Variants in ABCB9 observed in about 807,000 individuals in gnomAD.
The protein encoded by ABCB9 is ABC-type oligopeptide transporter ABCB9.
Under a neutral mutation model 62.0 loss-of-function variants are expected in ABCB9, and 36 were observed. That is an observed-to-expected ratio of 0.58 (90% CI 0.45 to 0.77). ABCB9 has a LOEUF of 0.77. Ranked by LOEUF, ABCB9 falls within the 30% of genes least tolerant of loss-of-function variation. ABCB9 has a pLI of 0.00. For missense variants in ABCB9, 943 were observed against 1,054.7 expected, an observed-to-expected ratio of 0.89 and a Z score of 1.47; for synonymous variants, 435 against 461.4, an observed-to-expected ratio of 0.94 and a Z score of 0.73.
intron 5 of ABCB9, chr12:122,946,429 G>A (rs2135839144): frequency 5.1e-6 from 3 of 593,748 alleles, no homozygotes; most frequent in East Asian, 2.8e-5. Context: ...ACTCCAGAGA[G>A]GCTCTTGGGG....
In ABCB9 at chr12:122,940,102, T is replaced by A; in HGVS notation, c.1743+9A>T. Reference sequence around the variant, plus strand: ...GGCGGAGAAGTGTGGCCCAGGCCCGTGCACATACCACACGGTGCAAGTACT... The same window carrying A: ...GGCGGAGAAGTGTGGCCCAGGCCCGAGCACATACCACACGGTGCAAGTACT... On this transcript the variant is annotated intron_variant, in intron 9 of 11. Transcript: ENST00000280560. The surrounding 1 kb of genome is among the most constrained non-coding windows in gnomAD (Gnocchi z 4.8). The A allele has an allele frequency of 6.2e-7, 1 of 1,607,540 alleles. No homozygotes were observed. The highest frequency in any genetic ancestry group is 8.5e-7 in the Non-Finnish European group (1 of 1,177,290).
At position 122,940,062 on chromosome 12, in the gene ABCB9, G is replaced by T. The variant is rs911732920; in HGVS notation, c.1743+49C>A. 6.4e-7 allele frequency: 1 copy of T among 1,567,684 alleles called. No homozygotes were observed. Reference sequence around the variant, plus strand: ...CCTGTTACAGCTCACAAGAAAGACGGTTAGATGCAGAAAGGGCGGAGAAGT... The same window carrying T: ...CCTGTTACAGCTCACAAGAAAGACGTTTAGATGCAGAAAGGGCGGAGAAGT... On this transcript the variant is annotated intron_variant, in intron 9 of 11. Transcript: ENST00000280560. This position sits in a 1 kb window ranked among gnomAD's most constrained non-coding sequence, Gnocchi z 4.8.
intron 1 of ABCB9, among the ~76,000 whole-genome samples, chr12:122,962,541 C>G (rs2135921867): frequency 6.6e-6 from 1 of 152,326 alleles, no homozygotes; most frequent in South Asian, 2.1e-4. Context: ...TTTCCATATT[C>G]CCGTTTACAG....
upstream of ABCB9, among the ~76,000 whole-genome samples, chr12:122,966,709 T>C (rs775621459): frequency 6.6e-6 from 1 of 152,262 alleles, no homozygotes; most frequent in Non-Finnish European, 1.5e-5. Flanking sequence ...CTCCCACATC[T>C]GGCCAACCAG....
intron 3 of ABCB9, 103 bp downstream of exon 3, chr12:122,950,348 C>T: frequency 1.7e-6 from 2 of 1,156,946 alleles, no homozygotes; most frequent in Admixed American, 4.9e-5. Context: ...GGGGCATTTC[C>T]AGGGCCTCCC....
chr12:122,934,019 A>G (rs2035329061), intron 10 of ABCB9, among the ~76,000 whole-genome samples: 4 of 152,170 alleles, frequency 2.6e-5, no homozygotes, highest in Admixed American at 2.6e-4. Flanking sequence ...CAAGGCAGGC[A>G]GATCACCTGA....
At position 122,973,578 on chromosome 12, in the gene ABCB9, G is replaced by GAAA. The variant is rs57853191; in HGVS notation, c.-88+1134_-88+1136dup. 2.7e-3 allele frequency among the ~76,000 whole-genome samples: 135 copies of GAAA among 50,342 alleles called. 4 individuals carry two copies. Among genetic ancestry groups the GAAA allele is most frequent in the South Asian group, 4.5e-3 (4 of 892 alleles). The allele number at this position is 50,342 out of a possible 152,430, so 33.0% of individuals were successfully genotyped here. ...AGAGCGAGACTCCGTCTCAAAAAAA[G>GAAA]AAAAAAAAAAAAAAAAAAAAAAAAA... On this transcript the variant is annotated intron_variant, in intron 1 of 11. Transcript: ENST00000392439.
intron 1 of ABCB9, among the ~76,000 whole-genome samples, chr12:122,972,658 G>A (rs1448527303): frequency 1.3e-5 from 2 of 152,104 alleles, no homozygotes; most frequent in Non-Finnish European, 1.5e-5. Context: ...TTACAGGCGT[G>A]TGCTACCACG....
At chr12:122,948,559 C>CA in intron 5 of ABCB9, 65 bp downstream of exon 5, 1 of 1,482,160 alleles carries the variant, frequency 6.7e-7, no homozygotes, top group Non-Finnish European at 9.0e-7. Context: ...CCCTGAGCCC[C>CA]TCCTAAGGGG....
chr12:122,968,636 CTTTTTTTTTTTT>C (rs541028634), upstream of ABCB9, among the ~76,000 whole-genome samples: 1 of 88,830 alleles, frequency 1.1e-5, no homozygotes, highest in Non-Finnish European at 2.3e-5. Context: ...TCCTCTGTAC[CTTTTTTTTTTTT>C]TTTTTTTTTG....
intron 1 of ABCB9, 96 bp from the exon 2 acceptor site, chr12:122,960,418 T>C (rs1310742941): frequency 1.4e-5 from 11 of 811,374 alleles, no homozygotes; most frequent in Non-Finnish European, 1.9e-5. Flanking sequence ...CTCTGAGCCT[T>C]AGTTTTCTCA....
Position 122,935,440 on chromosome 12 carries a change from G to C in ABCB9, c.1744-9C>G. On this transcript the variant is annotated splice_polypyrimidine_tract_variant and intron_variant, in intron 9 of 11. Transcript: ENST00000280560. ...TGGCTCACCAGGGAGATCTGGGGAG[G>C]AGGGAGCATGGAGCATGAGAGGCCA... The C allele has an allele frequency of 6.2e-7, 1 of 1,611,972 alleles. No individual in the cohort carries two copies. Among genetic ancestry groups the C allele is most frequent in the Non-Finnish European group, 8.5e-7 (1 of 1,179,068 alleles).
Position 122,948,652 on chromosome 12 carries a change from A to T in ABCB9, c.1025T>A (p.Val342Glu). The change falls in exon 5 of 12, where the codon GTG (valine) becomes GAG (glutamate). Residue 342 changes from valine (V) to glutamate (E), a missense_variant. Val to Glu is a moderately radical substitution (Grantham distance 121). Transcript: ENST00000280560. ...TFMGFPIIMM[V>E]SNIYGKYYKR... ...GTAGTACTTGCCGTAGATGTTGGACACCATCATGATGATGGGGAAGCCCAT... is the reference window on the plus strand; with the variant it reads ...GTAGTACTTGCCGTAGATGTTGGACTCCATCATGATGATGGGGAAGCCCAT... 1 of 1,613,632 alleles carries T rather than the reference A, an allele frequency of 6.2e-7. No homozygotes were observed. The highest frequency in any genetic ancestry group is 2.2e-5 in the East Asian group (1 of 44,860).
At position 122,964,086 on chromosome 12, in the gene ABCB9, G is replaced by A. The variant is rs1444653930; in HGVS notation, c.-88+2201C>T. ...CTGCCGGCTGCACCAGGTGCTGCCA[G>A]CCGCCTCAGCTGCTGCTCTCCTCGT... On this transcript the variant is annotated intron_variant, in intron 1 of 11. Transcript: ENST00000280560. The surrounding 1 kb of genome is among the most constrained non-coding windows in gnomAD (Gnocchi z 4.7). Among the ~76,000 whole-genome samples, 1 of 152,224 alleles carries A rather than the reference G, an allele frequency of 6.6e-6. No homozygotes were observed. The highest frequency in any genetic ancestry group is 2.4e-5 in the African/African-American group (1 of 41,456).
chr12:122,946,559 A>G (rs1410211549), intron 5 of ABCB9: 1 of 337,678 alleles, frequency 3.0e-6, no homozygotes, highest in Non-Finnish European at 5.6e-6. Flanking sequence ...AAGGGGCCTC[A>G]ACACCTGACC....
chr12:122,926,971 G>C (rs1247781507), downstream of ABCB9, among the ~76,000 whole-genome samples: 2 of 152,158 alleles, frequency 1.3e-5, no homozygotes, highest in Non-Finnish European at 2.9e-5. Context: ...AACAGAAAGA[G>C]GACATTAGTA....
At chr12:122,950,203 A>T (rs1047209399) in intron 3 of ABCB9, among the ~76,000 whole-genome samples, 1 of 152,196 alleles carries the variant, frequency 6.6e-6, no homozygotes, top group African/African-American at 2.4e-5. Flanking sequence ...CTACTTGGAA[A>T]ACAGCCAGGG....
chr12:122,922,621 C>T (rs1287701215), intron 11 of ABCB9, among the ~76,000 whole-genome samples: 6 of 152,192 alleles, frequency 3.9e-5, no homozygotes, highest in South Asian at 2.1e-4. Flanking sequence ...TCAAGTGTTC[C>T]GCTCACCTTG....
Position 122,930,265 on chromosome 12 carries a change from T to G in ABCB9, c.2041-94A>C, listed in dbSNP as rs546301949. ...GGCCTATGGGCTGATGCTTAACCTC[T>G]CTGAGGCTCAGTTCACAAACGATGG... On this transcript the variant is annotated intron_variant, in intron 11 of 11. Transcript: ENST00000280560. The surrounding 1 kb of genome is among the most constrained non-coding windows in gnomAD (Gnocchi z 4.9). 23 of 1,259,932 alleles carry G rather than the reference T, an allele frequency of 1.8e-5. No homozygotes were observed. In the South Asian group the frequency reaches 2.7e-4, roughly 15 times the overall value. 78.0% of individuals were successfully genotyped at this position (1,259,932 alleles called of 1,614,324 possible).
Sources: gnomAD v4.1 joint callset for allele counts (sites outside exome capture counted in the v4.1 genomes callset) on GRCh38, gnomAD v4.1.1 for gene constraint, Gnocchi (gnomAD v3.1) non-coding constraint, MANE v1.5 for transcripts, NCBI Gene and HGNC (gene_info 2026-07-23, HGNC 2026-07-21) for gene names.